The following ZNF365 variants were observed in gnomAD, a reference collection of about 807,000 sequenced individuals.
ZNF365 encodes protein ZNF365.
A neutral mutation model predicts 35.0 loss-of-function variants in ZNF365; 22 were observed. That is an observed-to-expected ratio of 0.63 (90% CI 0.45 to 0.90). ZNF365 has a LOEUF of 0.90. Ranked by LOEUF, ZNF365 falls within the 40% of genes least tolerant of loss-of-function variation. ZNF365 has a pLI of 0.00. For missense variants in ZNF365, 448 were observed against 500.3 expected, an observed-to-expected ratio of 0.90 and a Z score of 1.00; for synonymous variants, 188 against 196.2, an observed-to-expected ratio of 0.96 and a Z score of 0.35.
At chr10:62,409,521 A>G (rs1459926629) in intron 3 of ZNF365, among the ~76,000 whole-genome samples, 1 of 152,136 alleles carries the variant, frequency 6.6e-6, no homozygotes, top group East Asian at 1.9e-4. Context: ...TTTCCCTTTA[A>G]GGGTCTGTAG....
chr10:62,417,435 G>T (rs1840092727), intron 3 of ZNF365, among the ~76,000 whole-genome samples: 1 of 151,956 alleles, frequency 6.6e-6, no homozygotes, highest in African/African-American at 2.4e-5. Flanking sequence ...TGCCGTGTTT[G>T]GTTCAGCTAC....
intron 3 of ZNF365, among the ~76,000 whole-genome samples, chr10:62,435,317 G>A (rs1425068719): frequency 6.6e-6 from 1 of 152,144 alleles, no homozygotes; most frequent in African/African-American, 2.4e-5. Context: ...GCGTTTGGAG[G>A]TAAATTTTTT....
chr10:62,444,348 T>C (rs768313698), intron 3 of ZNF365, among the ~76,000 whole-genome samples: 2 of 152,174 alleles, frequency 1.3e-5, no homozygotes, highest in East Asian at 1.9e-4. Flanking sequence ...GGTCAGTGTA[T>C]AACTTCTGAG....
downstream of ZNF365, among the ~76,000 whole-genome samples, chr10:62,404,778 A>G (rs988047354): frequency 2.0e-5 from 3 of 152,168 alleles, no homozygotes; most frequent in African/African-American, 7.2e-5. Context: ...ATTGTTTTAT[A>G]TATGTATTGA....
intron 2 of ZNF365, 62 bp downstream of exon 2, chr10:62,376,998 C>A (rs920156138): frequency 3.3e-6 from 5 of 1,532,066 alleles, no homozygotes; most frequent in Admixed American, 2.1e-5. Context: ...AATCGCCTTA[C>A]AAGCAAATGC....
chr10:62,473,862 G>A (rs746789889), intron 4 of ZNF365, among the ~76,000 whole-genome samples: 3 of 152,078 alleles, frequency 2.0e-5, no homozygotes, highest in Admixed American at 1.3e-4. Flanking sequence ...TATCAGGGTC[G>A]GTAATTCAGT....
intron 3 of ZNF365, among the ~76,000 whole-genome samples, chr10:62,422,191 G>A (rs1324235562): frequency 1.3e-5 from 2 of 152,140 alleles, no homozygotes; most frequent in African/African-American, 4.8e-5. Flanking sequence ...CATGCCAGAG[G>A]TGGGAGAAAC....
intron 3 of ZNF365, among the ~76,000 whole-genome samples, chr10:62,423,861 T>C (rs187687005): frequency 2.0e-5 from 3 of 152,290 alleles, no homozygotes; most frequent in Admixed American, 1.3e-4. Context: ...TATGATTACA[T>C]ATTAGGTTAT....
intron 4 of ZNF365, chr10:62,479,742 A>C (rs1180954134): frequency 4.5e-6 from 3 of 661,026 alleles, no homozygotes; most frequent in East Asian, 2.7e-5. Context: ...GTTTGGCAGC[A>C]CATAAGTGAA....
intron 3 of ZNF365, among the ~76,000 whole-genome samples, chr10:62,396,158 A>C (rs910993177): frequency 2.6e-5 from 4 of 152,150 alleles, no homozygotes; most frequent in African/African-American, 9.7e-5. Flanking sequence ...AAACCTCATC[A>C]TTTATAGGAT....
intron 3 of ZNF365, among the ~76,000 whole-genome samples, chr10:62,455,889 A>T (rs1418739900): frequency 3.9e-5 from 6 of 152,244 alleles, no homozygotes; most frequent in African/African-American, 1.4e-4. Flanking sequence ...GGGATTTGAA[A>T]GGAAACTAAG....
chr10:62,401,933 C>T lies in ZNF365; in HGVS notation c.*2144C>T, dbSNP rs890768585. 9.1e-6 allele frequency: 9 copies of T among 985,390 alleles called. No individual in the cohort carries two copies. The highest frequency in any genetic ancestry group is 1.1e-5 in the Non-Finnish European group (9 of 829,848). The allele number at this position is 985,390 out of a possible 1,614,324, so 61.0% of individuals were successfully genotyped here. On this transcript the variant is annotated 3_prime_UTR_variant, in exon 5 of 5. Coordinates refer to ENST00000395254, the MANE Select transcript of ZNF365 (RefSeq NM_014951.3). Reference sequence around the variant, plus strand: ...TTATATTAAAATGTTTTTTTACGTTCCCACTAAATTTTGACCCCATATAAA... The same window carrying T: ...TTATATTAAAATGTTTTTTTACGTTTCCACTAAATTTTGACCCCATATAAA...
At chr10:62,393,191 T>C (rs568326294) in intron 3 of ZNF365, among the ~76,000 whole-genome samples, 8 of 152,226 alleles carry the variant, frequency 5.3e-5, no homozygotes, top group Non-Finnish European at 7.3e-5. Context: ...TCTTTTGGAA[T>C]ACTTCCTGAA....
intron 3 of ZNF365, among the ~76,000 whole-genome samples, chr10:62,450,813 T>G (rs1327884132): frequency 3.3e-5 from 5 of 152,226 alleles, no homozygotes; most frequent in South Asian, 2.1e-4. Flanking sequence ...GTGCTTAGAT[T>G]AACATTTCCT....
At chr10:62,447,489 C>T (rs1473019090) in intron 3 of ZNF365, among the ~76,000 whole-genome samples, 1 of 152,162 alleles carries the variant, frequency 6.6e-6, no homozygotes, top group Admixed American at 6.5e-5. Context: ...GTTATTTCCT[C>T]CAATCCCTTG....
At chr10:62,431,285 T>A (rs1840329855) in intron 3 of ZNF365, among the ~76,000 whole-genome samples, 1 of 152,216 alleles carries the variant, frequency 6.6e-6, no homozygotes, top group South Asian at 2.1e-4. Flanking sequence ...AAAACAGTAC[T>A]TCTCTTGAGG....
At chr10:62,470,065 G>A (rs188952485) in intron 4 of ZNF365, among the ~76,000 whole-genome samples, 2 of 152,278 alleles carry the variant, frequency 1.3e-5, no homozygotes, top group Admixed American at 1.3e-4. Context: ...AAATAACAAT[G>A]TGATGAGCAT....
At chr10:62,425,537 A>G (rs1840238079) in intron 3 of ZNF365, among the ~76,000 whole-genome samples, 1 of 152,172 alleles carries the variant, frequency 6.6e-6, no homozygotes, top group Non-Finnish European at 1.5e-5. Flanking sequence ...TAATTACTTG[A>G]AAAGAGGGGG....
chr10:62,409,216 G>C (rs1474479195), intron 3 of ZNF365, among the ~76,000 whole-genome samples: 1 of 152,168 alleles, frequency 6.6e-6, no homozygotes, highest in Non-Finnish European at 1.5e-5. Flanking sequence ...TGATGGAAGA[G>C]AGTGGAGGCA....
Sources: gnomAD v4.1 joint callset for allele counts (sites outside exome capture counted in the v4.1 genomes callset) on GRCh38, gnomAD v4.1.1 for gene constraint, MANE v1.5 for transcripts, NCBI Gene and HGNC (gene_info 2026-07-23, HGNC 2026-07-21) for gene names.